Variants in FLI1 observed in about 807,000 individuals in gnomAD.
The protein encoded by FLI1 is Friend leukemia integration 1 transcription factor.
A neutral mutation model predicts 53.1 loss-of-function variants in FLI1; 13 were observed. The ratio of observed to expected loss-of-function variants is 0.24; its 90% CI spans 0.16 to 0.39. The LOEUF (loss-of-function observed/expected upper bound fraction) is 0.39, where lower values mean the gene tolerates loss of function less well. FLI1 is among the 10% of genes least tolerant of loss of function. The pLI is 1.00. For missense variants in FLI1, 424 were observed against 600.5 expected, an observed-to-expected ratio of 0.71 and a Z score of 3.07; for synonymous variants, 244 against 236.7, an observed-to-expected ratio of 1.03 and a Z score of -0.28.
At chr11:128,707,397 G>C (rs1447133842) in intron 1 of FLI1, among the ~76,000 whole-genome samples, 1 of 152,172 alleles carries the variant, frequency 6.6e-6, no homozygotes, top group Non-Finnish European at 1.5e-5. Context: ...CTTCCCTAGA[G>C]GTGAGGGACT....
chr11:128,731,913 G>T (rs1387824770), intron 1 of FLI1, among the ~76,000 whole-genome samples: 1 of 151,932 alleles, frequency 6.6e-6, no homozygotes, highest in Non-Finnish European at 1.5e-5. Context: ...TGAGGCAGGA[G>T]AATCACTTCG....
chr11:128,785,755 A>G (rs1167968766), intron 5 of FLI1, among the ~76,000 whole-genome samples: 1 of 152,230 alleles, frequency 6.6e-6, no homozygotes, highest in Non-Finnish European at 1.5e-5. Flanking sequence ...TGACTCTAGG[A>G]CAAACATTGC....
At chr11:128,788,505 AC>A (rs1203194869) in intron 5 of FLI1, among the ~76,000 whole-genome samples, 1 of 152,156 alleles carries the variant, frequency 6.6e-6, no homozygotes, top group Non-Finnish European at 1.5e-5. Context: ...TTAGGGAGAC[AC>A]ACCTAGGAAA....
chr11:128,766,232 T>C (rs1255737145), intron 2 of FLI1, among the ~76,000 whole-genome samples: 1 of 152,200 alleles, frequency 6.6e-6, no homozygotes, highest in Non-Finnish European at 1.5e-5. Context: ...GGCCAGGTCC[T>C]TCCGCAGCAG....
At position 128,810,626 on chromosome 11, in the gene FLI1, G is replaced by A; in HGVS notation, c.997G>A (p.Asp333Asn). ...ERKSKPNMNY[D>N]KLSRALRYYY... ...GAAAAGCAAGCCCAACATGAATTAC[G>A]ACAAGCTGAGCCGGGCCCTCCGTTA... Residue 333 changes from aspartate (D) to asparagine (N), a missense_variant, in exon 9 of 9, where the codon GAC becomes AAC. Transcript: ENST00000527786. The surrounding 1 kb of genome is among the most constrained non-coding windows in gnomAD (Gnocchi z 6.6). 6.2e-7 allele frequency: 1 copy of A among 1,613,970 alleles called. No individual in the cohort carries two copies.
In FLI1 at chr11:128,746,564, C is replaced by T. The variant is rs114156438; in HGVS notation, c.19-11551C>T. ...ATTGAGATCCTCTTGGTCTAGCTGC[C>T]AGGTCAGACCCATAAAGACCAGGCC... On this transcript the variant is annotated intron_variant, in intron 1 of 8. Transcript: ENST00000527786. Among the ~76,000 whole-genome samples, 532 of 152,314 alleles carry T rather than the reference C, an allele frequency of 3.5e-3. 2 individuals carry two copies. The highest frequency in any genetic ancestry group is 0.012 in the African/African-American group (494 of 41,572).
rs573469647 is a variant in FLI1 at position 128,708,377 on chromosome 11, C to T, written c.18+14101C>T. ...GTTGGTTGTCTGCTATTAGAGCAAGCCTCGTTCTCCACCTCCTTTAAAAAC... is the reference window on the plus strand; with the variant it reads ...GTTGGTTGTCTGCTATTAGAGCAAGTCTCGTTCTCCACCTCCTTTAAAAAC... On this transcript the variant is annotated intron_variant, in intron 1 of 8. Transcript: ENST00000527786. 3.4e-3 allele frequency among the ~76,000 whole-genome samples: 520 copies of T among 152,304 alleles called. 4 individuals carry two copies. Among genetic ancestry groups the T allele is most frequent in the African/African-American group, 0.012 (494 of 41,564 alleles).
Position 128,782,006 on chromosome 11 carries a change from G to A in FLI1, c.638G>A (p.Arg213Gln), listed in dbSNP as rs369164251. 6.8e-6 allele frequency: 11 copies of A among 1,613,536 alleles called. No individual in the cohort carries two copies. Among genetic ancestry groups the A allele is most frequent in the African/African-American group, 5.3e-5 (4 of 74,884 alleles). ...ACCTCCCACACCGACCAATCCTCAC[G>A]ATTGAGTGTCAAAGAAGGTAAGTTT... ...NTTSHTDQSS[R>Q]LSVKEDPSYD... The change falls in exon 5 of 9, where the codon CGA becomes CAA. Residue 213 changes from arginine (R) to glutamine (Q), a missense_variant. Around this residue, in one of 5 missense-constraint regions of FLI1, gnomAD observed 114 missense variants for 117.9 expected, o/e 0.97. Transcript: ENST00000527786.
chr11:128,780,383 G>A (rs1941873636), intron 4 of FLI1, among the ~76,000 whole-genome samples: 2 of 152,190 alleles, frequency 1.3e-5, no homozygotes, highest in African/African-American at 4.8e-5. Context: ...GCCGAGGCAG[G>A]CAGATCACCT....
intron 1 of FLI1, among the ~76,000 whole-genome samples, chr11:128,725,583 C>A (rs1418321558): frequency 6.6e-6 from 1 of 152,048 alleles, no homozygotes; most frequent in African/African-American, 2.4e-5. Flanking sequence ...GAAGGAAGGA[C>A]CTTTGGAATG....
chr11:128,753,796 G>T (rs1259833702), intron 1 of FLI1, among the ~76,000 whole-genome samples: 1 of 152,114 alleles, frequency 6.6e-6, no homozygotes, highest in Non-Finnish European at 1.5e-5. Flanking sequence ...CCTCTTGTTT[G>T]CCTCCTCCGT....
chr11:128,794,386 C>T (rs1007894925), intron 5 of FLI1, among the ~76,000 whole-genome samples: 4 of 152,130 alleles, frequency 2.6e-5, no homozygotes, highest in Admixed American at 6.6e-5. Flanking sequence ...TTATTTGAGG[C>T]GATTGGTAGC....
At chr11:128,716,702 G>A (rs991638764) in intron 1 of FLI1, among the ~76,000 whole-genome samples, 1 of 152,170 alleles carries the variant, frequency 6.6e-6, no homozygotes, top group Non-Finnish European at 1.5e-5. Context: ...CAGTCCAGGA[G>A]GGCTGGAGCT....
At chr11:128,808,741 A>C (rs1449736861) in intron 7 of FLI1, among the ~76,000 whole-genome samples, 1 of 151,776 alleles carries the variant, frequency 6.6e-6, no homozygotes, top group Admixed American at 6.6e-5. Context: ...AAAAAAAAAC[A>C]GATTAATAAT....
upstream of FLI1, among the ~76,000 whole-genome samples, chr11:128,688,933 G>C (rs1477662589): frequency 6.6e-6 from 1 of 152,162 alleles, no homozygotes; most frequent in Non-Finnish European, 1.5e-5. Context: ...TTCTGCAGGC[G>C]AGAAACTGAG....
chr11:128,695,991 G>T (rs1298670053), intron 1 of FLI1: 1 of 152,204 alleles, frequency 6.6e-6, no homozygotes, highest in Non-Finnish European at 1.5e-5. Flanking sequence ...GAAAAGTGAA[G>T]AAATATCTCC....
chr11:128,706,976 C>A (rs1436982756), intron 1 of FLI1, among the ~76,000 whole-genome samples: 1 of 152,104 alleles, frequency 6.6e-6, no homozygotes, highest in East Asian at 1.9e-4. Flanking sequence ...GTTATCATGT[C>A]TAGTTGAAAA....
At chr11:128,751,083 C>G (rs1163042788) in intron 1 of FLI1, among the ~76,000 whole-genome samples, 1 of 152,190 alleles carries the variant, frequency 6.6e-6, no homozygotes, top group Non-Finnish European at 1.5e-5. Flanking sequence ...AGGACTGAGC[C>G]TGCAATGGAA....
intron 7 of FLI1, 130 bp downstream of exon 7, chr11:128,807,369 C>T (rs1044817676): frequency 3.7e-6 from 2 of 539,550 alleles, no homozygotes; most frequent in African/African-American, 2.0e-5. Flanking sequence ...GAGGGTCTAT[C>T]TTTGACCCTA....
Sources: allele counts gnomAD v4.1 joint callset (sites outside exome capture counted in the v4.1 genomes callset), GRCh38; gene constraint gnomAD v4.1.1; regional missense constraint gnomAD v4.1.1; non-coding constraint Gnocchi (gnomAD v3.1); transcripts MANE v1.5; gene names NCBI Gene and HGNC (gene_info 2026-07-23, HGNC 2026-07-21).